The following SPINK6 variants were observed in gnomAD, a reference collection of about 807,000 sequenced individuals.
SPINK6 encodes the protein serine peptidase inhibitor Kazal type 6.
Under a neutral mutation model 11.7 loss-of-function variants are expected in SPINK6, and 13 were observed. The observed-to-expected ratio is 1.11, with a 90% CI of 0.72 to 1.76. SPINK6 has a LOEUF of 1.76. Among genes scored for constraint, SPINK6 ranks in the 40% most tolerant of loss-of-function variants. The probability of loss-of-function intolerance (pLI) is 0.00; values close to 1 mark genes in which losing one functional copy is unlikely to be tolerated. For missense variants in SPINK6, 98 were observed against 93.7 expected (o/e 1.05, Z -0.19); for synonymous variants, 21 against 31.9 (o/e 0.66, Z 1.15).
chr5:148,209,991 T>TACACACGTACGTATGTATGTATACATAC (rs1398978551), intron 2 of SPINK6, among the ~76,000 whole-genome samples: 1 of 145,404 alleles, frequency 6.9e-6, no homozygotes, highest in Non-Finnish European at 1.5e-5. Context: ...TATGTATACA[T>TACACACGTACGTATGTATGTATACATAC]ATACACGTAT....
chr5:148,214,979 C>T lies in SPINK6; in HGVS notation c.*29C>T, dbSNP rs770752790. On this transcript the variant is annotated 3_prime_UTR_variant, in exon 4 of 4. Transcript: ENST00000325630. ...AAAGCCAATGTTTCTTGGTGACTTG[C>T]CAGCTTTTGCAGCCTTCTTTTCTCA... The T allele has an allele frequency of 1.1e-5, 17 of 1,610,420 alleles. No homozygotes were observed. Among genetic ancestry groups the T allele is most frequent in the African/African-American group, 2.7e-5 (2 of 74,832 alleles).
chr5:148,213,297 C>T (rs1327346899), intron 2 of SPINK6, among the ~76,000 whole-genome samples: 2 of 152,032 alleles, frequency 1.3e-5, no homozygotes, highest in African/African-American at 4.8e-5. Context: ...CTGCAAGCTC[C>T]GTCTCCCAGG....
chr5:148,202,886 G>A (rs1159319848), upstream of SPINK6: 1 of 434,896 alleles, frequency 2.3e-6, no homozygotes, highest in Non-Finnish European at 4.1e-6. Flanking sequence ...CTATTAATAA[G>A]ATCTGAGGTG....
chr5:148,212,584 A>AGT (rs1561733705), intron 2 of SPINK6, among the ~76,000 whole-genome samples: 1 of 101,794 alleles, frequency 9.8e-6, no homozygotes, highest in Non-Finnish European at 1.8e-5. Flanking sequence ...ATATTATATA[A>AGT]ATATATTTTA....
At chr5:148,212,716 T>C (rs1208978623) in intron 2 of SPINK6, among the ~76,000 whole-genome samples, 1 of 122,068 alleles carries the variant, frequency 8.2e-6, no homozygotes, top group Non-Finnish European at 1.6e-5. Flanking sequence ...ATATATAGTT[T>C]ATATATTTTA....
chr5:148,212,484 ATATATATATATATAAAGTATATATTT>A (rs1219856060), intron 2 of SPINK6, among the ~76,000 whole-genome samples: 171 of 32,166 alleles, frequency 5.3e-3, no homozygotes, highest in Middle Eastern at 0.083. Context: ...TATTTTTTAT[ATATATATATATATAAAGTATATATTT>A]TATATATATA....
chr5:148,211,735 T>A (rs2113315554), intron 2 of SPINK6, among the ~76,000 whole-genome samples: 1 of 152,308 alleles, frequency 6.6e-6, no homozygotes, highest in African/African-American at 2.4e-5. Flanking sequence ...GATATTTATC[T>A]GTTCTATGGA....
chr5:148,210,079 T>C (rs184951086), intron 2 of SPINK6, among the ~76,000 whole-genome samples: 8 of 116,674 alleles, frequency 6.9e-5, no homozygotes, highest in Admixed American at 1.0e-4. Context: ...TATGCATATA[T>C]GTATGCATGT....
intron 2 of SPINK6, among the ~76,000 whole-genome samples, chr5:148,213,308 T>C (rs1365187949): frequency 6.6e-6 from 1 of 152,014 alleles, no homozygotes; most frequent in Non-Finnish European, 1.5e-5. Context: ...GTCTCCCAGG[T>C]TCATGCCATT....
At chr5:148,213,745 G>C (rs1162600086) in intron 2 of SPINK6, among the ~76,000 whole-genome samples, 165 bp from the exon 3 acceptor site, 1 of 151,990 alleles carries the variant, frequency 6.6e-6, no homozygotes, top group African/African-American at 2.4e-5. Flanking sequence ...TACTTAAGTA[G>C]GTAAGTAGAA....
chr5:148,205,946 G>C (rs1232487157), intron 1 of SPINK6, 90 bp from the exon 2 acceptor site: 2 of 1,312,368 alleles, frequency 1.5e-6, no homozygotes, highest in African/African-American at 1.5e-5. Context: ...CAAGTACCAG[G>C]AGTAGATATT....
chr5:148,214,765 A>T, intron 3 of SPINK6, 140 bp from the exon 4 acceptor site: 1 of 649,244 alleles, frequency 1.5e-6, no homozygotes, highest in Non-Finnish European at 2.6e-6. Flanking sequence ...GCATTTAATT[A>T]ACATCTTCTG....
intron 3 of SPINK6, 130 bp downstream of exon 3, chr5:148,214,155 CA>C: frequency 2.0e-6 from 1 of 502,466 alleles, no homozygotes. Flanking sequence ...AAGCTTCAGG[CA>C]ATTTGATTGA....
At chr5:148,202,794 G>A (rs1437470817), upstream of SPINK6, 1 of 272,274 alleles carries the variant, frequency 3.7e-6, no homozygotes, top group Non-Finnish European at 6.8e-6. Flanking sequence ...TCCCTATAAT[G>A]TAGTGAAACT....
chr5:148,213,365 T>G (rs1407031466), intron 2 of SPINK6, among the ~76,000 whole-genome samples: 2 of 151,468 alleles, frequency 1.3e-5, no homozygotes, highest in Non-Finnish European at 1.5e-5. Flanking sequence ...CCCGGCTAAT[T>G]TTTTTTTGTA....
intron 1 of SPINK6, 91 bp from the exon 2 acceptor site, chr5:148,205,945 G>C (rs1755492230): frequency 4.6e-6 from 6 of 1,312,998 alleles, no homozygotes; most frequent in Middle Eastern, 3.6e-4. Context: ...CCAAGTACCA[G>C]GAGTAGATAT....
At chr5:148,211,938 T>C (rs918599539) in intron 2 of SPINK6, among the ~76,000 whole-genome samples, 9 of 152,140 alleles carry the variant, frequency 5.9e-5, no homozygotes, top group Non-Finnish European at 1.2e-4. Flanking sequence ...ACAGTATCAT[T>C]TTAGACAGAG....
chr5:148,210,902 C>T (rs1458614899), intron 2 of SPINK6, among the ~76,000 whole-genome samples: 1 of 152,090 alleles, frequency 6.6e-6, no homozygotes, highest in African/African-American at 2.4e-5. Flanking sequence ...ATTAGGACAA[C>T]AGATATGGTA....
Position 148,210,007 on chromosome 5 carries a change from C to CATACACACGTACTTATGT in SPINK6, c.82-3901_82-3900insACACACGTACTTATGTAT, listed in dbSNP as rs1554112271. Among the ~76,000 whole-genome samples the CATACACACGTACTTATGT allele has an allele frequency of 3.8e-5, 4 of 105,734 alleles. 1 individual carries two copies. Among genetic ancestry groups the CATACACACGTACTTATGT allele is most frequent in the Non-Finnish European group, 5.5e-5 (3 of 54,612 alleles). The allele number at this position is 105,734 out of a possible 152,430, so 69.4% of individuals were successfully genotyped here. A position where few individuals can be genotyped will look rare whatever the true frequency, so the allele number is the denominator to read the frequency against. On this transcript the variant is annotated intron_variant, in intron 2 of 3. Coordinates refer to ENST00000325630, the MANE Select transcript of SPINK6 (RefSeq NM_205841.4). Reference sequence around the variant, plus strand: ...ATGTATACATATACACGTATGTATACATGTATGTACGCATGTACGCATGCA... The same window carrying CATACACACGTACTTATGT: ...ATGTATACATATACACGTATGTATACATACACACGTACTTATGTATGTATGTACGCATGTACGCATGCA...
Sources: gnomAD v4.1 joint callset for allele counts (sites outside exome capture counted in the v4.1 genomes callset) on GRCh38, gnomAD v4.1.1 for gene constraint, MANE v1.5 for transcripts, NCBI Gene and HGNC (gene_info 2026-07-23, HGNC 2026-07-21) for gene names.